THSD7A: variants seen among roughly 807,000 people sequenced by gnomAD.
The protein encoded by THSD7A is thrombospondin type 1 domain containing 7A.
A neutral mutation model predicts 231.3 loss-of-function variants in THSD7A; 96 were observed. That is an observed-to-expected ratio of 0.41 (90% confidence interval 0.35 to 0.49). THSD7A has a LOEUF of 0.49. Among genes scored for constraint, THSD7A ranks in the 20% least tolerant of loss-of-function variants. The probability of loss-of-function intolerance (pLI) is 0.05; values close to 1 mark genes in which losing one functional copy is unlikely to be tolerated. For missense variants in THSD7A, 2,290 were observed against 2,070.2 expected, an observed-to-expected ratio of 1.11 and a Z score of -2.06; for synonymous variants, 940 against 743.3, an observed-to-expected ratio of 1.26 and a Z score of -4.30.
chr7:11,716,379 T>A (rs1338701850), intron 1 of THSD7A, among the ~76,000 whole-genome samples: 2 of 151,568 alleles, frequency 1.3e-5, no homozygotes, highest in Non-Finnish European at 3.0e-5. Flanking sequence ...GAAATTACAA[T>A]GTAGGGATTC....
intron 17 of THSD7A, chr7:11,413,767 T>G (rs905416942): frequency 6.6e-6 from 1 of 152,214 alleles, no homozygotes; most frequent in Non-Finnish European, 1.5e-5. Flanking sequence ...TATAGTAGAT[T>G]GGCCTTTGAG....
intron 26 of THSD7A, among the ~76,000 whole-genome samples, chr7:11,378,464 A>C (rs1055767337): frequency 2.0e-5 from 3 of 152,202 alleles, no homozygotes; most frequent in African/African-American, 7.2e-5. Context: ...TACCAGATAC[A>C]TTAAGAGCTG....
At chr7:11,733,019 T>C (rs1781790226) in intron 1 of THSD7A, among the ~76,000 whole-genome samples, 2 of 151,830 alleles carry the variant, frequency 1.3e-5, no homozygotes, top group African/African-American at 4.8e-5. Context: ...CCAGGAAATG[T>C]AACTAACATA....
At chr7:11,678,051 C>T (rs193099093) in intron 1 of THSD7A, among the ~76,000 whole-genome samples, 4 of 152,184 alleles carry the variant, frequency 2.6e-5, no homozygotes, top group East Asian at 1.9e-4. Flanking sequence ...CACTCAAAAA[C>T]GCAAAACTAC....
chr7:11,601,489 C>A (rs1365207885), intron 2 of THSD7A, among the ~76,000 whole-genome samples: 3 of 152,142 alleles, frequency 2.0e-5, no homozygotes, highest in Admixed American at 2.0e-4. Context: ...TCTCTTGTGG[C>A]AACCTTGGAG....
chr7:11,438,647 TTTAA>T (rs1206386410), intron 13 of THSD7A, among the ~76,000 whole-genome samples: 2 of 152,044 alleles, frequency 1.3e-5, no homozygotes, highest in Non-Finnish European at 2.9e-5. Context: ...TTCTGAACTA[TTTAA>T]TTGTTACTAC....
At chr7:11,818,659 A>G (rs527468047) in intron 1 of THSD7A, among the ~76,000 whole-genome samples, 1 of 152,352 alleles carries the variant, frequency 6.6e-6, no homozygotes, top group East Asian at 1.9e-4. Context: ...ATATGCAGCT[A>G]CATGATTTAT....
rs568171674 is a variant in THSD7A at position 11,375,882 on chromosome 7, TA to T, written c.4890-5del. ...TTGGGGTTTCTTTGGCTTTTTGCTG[TA>T]AAAAAATTCGGAATTAGGAGAAAGA... is the stretch of plus-strand genomic sequence containing the variant. On this transcript the variant is annotated splice_polypyrimidine_tract_variant and splice_region_variant and intron_variant, in intron 27 of 27. Transcript: ENST00000423059. 3.9e-3 allele frequency: 6,345 copies of T among 1,612,216 alleles called. 19 individuals carry two copies. The highest frequency in any genetic ancestry group is 4.4e-3 in the Non-Finnish European group (5,151 of 1,178,730).
intron 1 of THSD7A, among the ~76,000 whole-genome samples, chr7:11,649,534 G>A (rs1409638493): frequency 1.2e-4 from 18 of 152,034 alleles, no homozygotes; most frequent in Non-Finnish European, 4.4e-5. Flanking sequence ...TATTGAAAGT[G>A]TGCAGGGGCC....
intron 2 of THSD7A, among the ~76,000 whole-genome samples, chr7:11,620,427 G>A (rs146659396): frequency 6.8e-4 from 103 of 151,876 alleles, no homozygotes; most frequent in African/African-American, 2.4e-3. Context: ...GCCTGTGAGG[G>A]GATTACAAGT....
chr7:11,746,570 C>T (rs1165189622), intron 1 of THSD7A, among the ~76,000 whole-genome samples: 1 of 151,784 alleles, frequency 6.6e-6, no homozygotes, highest in Non-Finnish European at 1.5e-5. Context: ...TTGGGTTTGT[C>T]TAATGTTTTC....
At chr7:11,663,704 G>C (rs866732563) in intron 1 of THSD7A, among the ~76,000 whole-genome samples, 1 of 151,402 alleles carries the variant, frequency 6.6e-6, no homozygotes, top group Non-Finnish European at 1.5e-5. Context: ...CAACCAACCG[G>C]AGCTTTCTCA....
At chr7:11,541,032 C>G (rs754389062) in intron 6 of THSD7A, among the ~76,000 whole-genome samples, 18 of 152,112 alleles carry the variant, frequency 1.2e-4, no homozygotes, top group African/African-American at 3.9e-4. Flanking sequence ...TGCTTACAAC[C>G]CTTTTTTGTT....
At chr7:11,422,436 T>C (rs1784176674) in intron 16 of THSD7A, among the ~76,000 whole-genome samples, 1 of 152,066 alleles carries the variant, frequency 6.6e-6, no homozygotes, top group African/African-American at 2.4e-5. Flanking sequence ...TACTACTCAA[T>C]CAGTAACAAA....
In THSD7A at chr7:11,769,142, TATA is replaced by T. The variant is rs1237898304; in HGVS notation, c.190+62612_190+62614del. Among the ~76,000 whole-genome samples the T allele has an allele frequency of 8.8e-4, 57 of 64,916 alleles. 3 individuals are homozygous for T. The highest frequency in any genetic ancestry group is 2.7e-3 in the African/African-American group (52 of 19,390). The allele number at this position is 64,916 out of a possible 152,430, so 42.6% of individuals were successfully genotyped here. A position where few individuals can be genotyped will look rare whatever the true frequency, so the allele number is the denominator to read the frequency against. On this transcript the variant is annotated intron_variant, in intron 1 of 27. Coordinates refer to ENST00000423059, the MANE Select transcript of THSD7A (RefSeq NM_015204.3). Reference sequence around the variant, plus strand: ...CTGGCAATATATATATATATATATATATATATATATATTTTTTTTTTTTTTTGG... The same window carrying T: ...CTGGCAATATATATATATATATATATTATATATATTTTTTTTTTTTTTTGG...
At chr7:11,496,537 T>C (rs1469321457) in intron 6 of THSD7A, among the ~76,000 whole-genome samples, 1 of 152,142 alleles carries the variant, frequency 6.6e-6, no homozygotes, top group African/African-American at 2.4e-5. Context: ...ATTTTTTTCA[T>C]GTATGAGGCC....
intron 4 of THSD7A, among the ~76,000 whole-genome samples, chr7:11,572,739 C>T (rs1790698807): frequency 2.6e-5 from 4 of 151,900 alleles, no homozygotes; most frequent in Admixed American, 2.6e-4. Context: ...TTCCTGGGCT[C>T]AAGTGATCCT....
intron 1 of THSD7A, among the ~76,000 whole-genome samples, chr7:11,820,034 C>T (rs1784821995): frequency 6.6e-6 from 1 of 152,010 alleles, no homozygotes; most frequent in Admixed American, 6.5e-5. Context: ...CTACCCCTGC[C>T]CCCACCCCAC....
intron 8 of THSD7A, among the ~76,000 whole-genome samples, chr7:11,473,909 G>T (rs149510322): frequency 2.0e-5 from 3 of 152,058 alleles, no homozygotes; most frequent in Admixed American, 6.6e-5. Context: ...GAAATGAAAG[G>T]CAGATCATAC....
Sources: allele counts gnomAD v4.1 joint callset (sites outside exome capture counted in the v4.1 genomes callset), GRCh38; gene constraint gnomAD v4.1.1; transcripts MANE v1.5; gene names NCBI Gene and HGNC (gene_info 2026-07-23, HGNC 2026-07-21).